The following NTM variants were observed in gnomAD, a reference collection of about 807,000 sequenced individuals.
The protein encoded by NTM is neurotrimin.
In NTM, 13 loss-of-function variants were observed where a neutral mutation model predicts 42.1. The ratio of observed to expected loss-of-function variants is 0.31; its 90% CI spans 0.20 to 0.49. The LOEUF (loss-of-function observed/expected upper bound fraction) is 0.49. NTM is among the 20% of genes least tolerant of loss of function. The pLI is 0.99. For synonymous variants in NTM, 187 were observed against 179.2 expected (o/e 1.04, Z -0.35); for missense variants, 373 against 452.8 (o/e 0.82, Z 1.60).
At chr11:131,988,866 ACT>A (rs1348693720) in intron 2 of NTM, among the ~76,000 whole-genome samples, 1 of 152,214 alleles carries the variant, frequency 6.6e-6, no homozygotes, top group Non-Finnish European at 1.5e-5. Flanking sequence ...TACCAAAAAC[ACT>A]GTTATATTTC....
intron 1 of NTM, among the ~76,000 whole-genome samples, chr11:131,744,881 C>T (rs1187799680): frequency 6.6e-6 from 1 of 152,178 alleles, no homozygotes; most frequent in East Asian, 1.9e-4. Context: ...GTTCGTATCA[C>T]ATCTGAATCG....
chr11:132,129,246 A>G (rs1275791157), intron 2 of NTM, among the ~76,000 whole-genome samples: 1 of 152,200 alleles, frequency 6.6e-6, no homozygotes, highest in Admixed American at 6.6e-5. Context: ...GCAATGTTGT[A>G]TAGTGCATAC....
intron 1 of NTM, chr11:131,502,676 AT>A (rs2046984304): frequency 6.6e-6 from 1 of 152,190 alleles, no homozygotes. Flanking sequence ...CATGTCAGGC[AT>A]TTGCTTGTTG....
chr11:131,419,533 A>G (rs1261784056), intron 1 of NTM, among the ~76,000 whole-genome samples: 2 of 152,134 alleles, frequency 1.3e-5, no homozygotes, highest in African/African-American at 4.8e-5. Flanking sequence ...AGGGAGCAGA[A>G]TGAGGGGAGG....
chr11:131,445,510 A>G (rs1949988742), intron 1 of NTM, among the ~76,000 whole-genome samples: 1 of 152,184 alleles, frequency 6.6e-6, no homozygotes, highest in Non-Finnish European at 1.5e-5. Flanking sequence ...CATACCAGAG[A>G]TAGGGCTGTG....
chr11:131,957,982 G>A (rs571137780), intron 2 of NTM, among the ~76,000 whole-genome samples: 12 of 152,256 alleles, frequency 7.9e-5, no homozygotes, highest in South Asian at 4.1e-4. Context: ...AGAAGAAGCC[G>A]CAGGCTTCAT....
intron 1 of NTM, among the ~76,000 whole-genome samples, chr11:131,574,656 T>C (rs903697218): frequency 1.3e-5 from 2 of 151,926 alleles, no homozygotes; most frequent in African/African-American, 2.4e-5. Context: ...CTACAGTCAA[T>C]GCCAGTCCCA....
intron 1 of NTM, among the ~76,000 whole-genome samples, chr11:131,681,504 C>T (rs1343658592): frequency 4.3e-4 from 1 of 2,336 alleles, no homozygotes; most frequent in South Asian, 0.017. Flanking sequence ...TGTGTGTGAG[C>T]ATGTGTTTCT....
intron 1 of NTM, chr11:131,385,294 G>C (rs1943175309): frequency 6.6e-6 from 1 of 152,176 alleles, no homozygotes; most frequent in African/African-American, 2.4e-5. Context: ...TGATAAGGAT[G>C]GAAGAGGCCC....
At chr11:132,163,981 A>G (rs1208353366) in intron 3 of NTM, among the ~76,000 whole-genome samples, 1 of 152,166 alleles carries the variant, frequency 6.6e-6, no homozygotes, top group African/African-American at 2.4e-5. Flanking sequence ...AAAACATGAA[A>G]CTGAAGAGGT....
intron 2 of NTM, among the ~76,000 whole-genome samples, chr11:131,936,529 A>G (rs10894475): frequency 0.21 from 32,064 of 152,192 alleles, 4,098 homozygotes; most frequent in East Asian, 0.41. Flanking sequence ...AAAACTACCT[A>G]ATGGATACAA....
chr11:131,408,286 C>T (rs1478629851), intron 1 of NTM, among the ~76,000 whole-genome samples: 1 of 152,168 alleles, frequency 6.6e-6, no homozygotes, highest in East Asian at 1.9e-4. Context: ...GTGCAAACCC[C>T]TATCCTGCCT....
intron 1 of NTM, among the ~76,000 whole-genome samples, chr11:131,797,280 C>T (rs2091667994): frequency 6.6e-6 from 1 of 152,074 alleles, no homozygotes; most frequent in Non-Finnish European, 1.5e-5. Context: ...TATCTCTGCT[C>T]CACATCTCCA....
At chr11:131,546,706 G>C (rs767341624) in intron 1 of NTM, 2 of 152,294 alleles carry the variant, frequency 1.3e-5, no homozygotes, top group Non-Finnish European at 2.9e-5. Context: ...CCACATAAAC[G>C]AGGAGTGACA....
intron 1 of NTM, among the ~76,000 whole-genome samples, chr11:131,792,815 T>C (rs544479523): frequency 2.0e-5 from 3 of 152,240 alleles, no homozygotes; most frequent in Admixed American, 6.5e-5. Flanking sequence ...GAAGAAAGAC[T>C]GGGCTTTAAA....
chr11:131,391,029 C>T (rs1277377278), intron 1 of NTM, among the ~76,000 whole-genome samples: 1 of 152,212 alleles, frequency 6.6e-6, no homozygotes, highest in Non-Finnish European at 1.5e-5. Context: ...CTGTCCTGAT[C>T]TTCCTAACCA....
intron 5 of NTM, among the ~76,000 whole-genome samples, chr11:132,308,057 C>T (rs1381739759): frequency 6.6e-6 from 1 of 152,218 alleles, no homozygotes; most frequent in Non-Finnish European, 1.5e-5. Flanking sequence ...GAAAATAATG[C>T]CAAACTTGAC....
At chr11:132,272,640 A>G (rs73042082) in intron 4 of NTM, among the ~76,000 whole-genome samples, 2,982 of 152,248 alleles carry the variant, frequency 0.02, 40 homozygotes, top group Middle Eastern at 0.031. Flanking sequence ...TACTACGGTA[A>G]AAAGAGTTGC....
chr11:131,549,583 A>G (rs954035617), intron 1 of NTM, among the ~76,000 whole-genome samples: 7 of 152,232 alleles, frequency 4.6e-5, no homozygotes, highest in East Asian at 1.9e-4. Context: ...CAACAAAACA[A>G]AACGCCCTGT....
Sources: allele counts gnomAD v4.1 joint callset (sites outside exome capture counted in the v4.1 genomes callset), GRCh38; gene constraint gnomAD v4.1.1; transcripts MANE v1.5; gene names NCBI Gene and HGNC (gene_info 2026-07-23, HGNC 2026-07-21).